Variants in ERBB4 observed in about 807,000 individuals in gnomAD.
ERBB4 encodes erb-b2 receptor tyrosine kinase 4.
Under a neutral mutation model 158.0 loss-of-function variants are expected in ERBB4, and 42 were observed. The observed-to-expected ratio is 0.27, with a 90% CI of 0.21 to 0.34. The LOEUF (loss-of-function observed/expected upper bound fraction) is 0.34. Ranked by LOEUF, ERBB4 falls within the 10% of genes least tolerant of loss-of-function variation. The pLI, the probability that ERBB4 is intolerant of heterozygous loss-of-function variation, is 1.00. For missense variants in ERBB4, 1,333 were observed against 1,624.1 expected, an observed-to-expected ratio of 0.82 and a Z score of 3.08; for synonymous variants, 583 against 558.7, an observed-to-expected ratio of 1.04 and a Z score of -0.61.
chr2:211,413,769 C>A (rs189054305), intron 25 of ERBB4, among the ~76,000 whole-genome samples: 6 of 151,884 alleles, frequency 4.0e-5, no homozygotes, highest in African/African-American at 1.2e-4. Context: ...TTTTGTTTGA[C>A]GACCATGAAG....
chr2:211,546,834 A>T (rs1248810477), intron 20 of ERBB4, among the ~76,000 whole-genome samples: 1 of 152,142 alleles, frequency 6.6e-6, no homozygotes, highest in East Asian at 1.9e-4. Context: ...TGCCCATTTT[A>T]GCGTGCAAAA....
chr2:212,452,613 T>C (rs1688051438), intron 1 of ERBB4, among the ~76,000 whole-genome samples: 1 of 152,150 alleles, frequency 6.6e-6, no homozygotes, highest in Admixed American at 6.5e-5. Flanking sequence ...CACTCAGACC[T>C]ACATATTTAA....
chr2:211,674,867 T>C (rs536064218), intron 13 of ERBB4, among the ~76,000 whole-genome samples: 3 of 152,290 alleles, frequency 2.0e-5, no homozygotes, highest in African/African-American at 7.2e-5. Context: ...AGTTTTCATA[T>C]TACTAGAACA....
chr2:211,567,345 G>A (rs1308169908), intron 19 of ERBB4, among the ~76,000 whole-genome samples: 1 of 152,066 alleles, frequency 6.6e-6, no homozygotes, highest in Non-Finnish European at 1.5e-5. Flanking sequence ...AGCCCTACCT[G>A]CATGAATTGG....
intron 13 of ERBB4, among the ~76,000 whole-genome samples, chr2:211,675,090 C>A (rs1259863342): frequency 6.6e-6 from 1 of 152,122 alleles, no homozygotes; most frequent in Non-Finnish European, 1.5e-5. Context: ...TTGTGACTTT[C>A]TCCATAATTT....
chr2:211,693,523 GA>G (rs2072899240), intron 12 of ERBB4, among the ~76,000 whole-genome samples: 1 of 151,970 alleles, frequency 6.6e-6, no homozygotes, highest in Non-Finnish European at 1.5e-5. Flanking sequence ...AGCTTCAGAA[GA>G]AAAAAGGAAT....
chr2:211,400,787 A>G (rs2063023032), intron 25 of ERBB4, among the ~76,000 whole-genome samples: 1 of 151,984 alleles, frequency 6.6e-6, no homozygotes, highest in Non-Finnish European at 1.5e-5. Flanking sequence ...ATATAACTGG[A>G]TTGCTTGTAA....
At chr2:211,566,713 T>C (rs1365885439) in intron 19 of ERBB4, among the ~76,000 whole-genome samples, 1 of 152,076 alleles carries the variant, frequency 6.6e-6, no homozygotes, top group East Asian at 1.9e-4. Flanking sequence ...TACCGACAAA[T>C]CAGCAAAACA....
At chr2:212,255,626 C>T (rs1208573700) in intron 1 of ERBB4, among the ~76,000 whole-genome samples, 1 of 151,894 alleles carries the variant, frequency 6.6e-6, no homozygotes, top group Non-Finnish European at 1.5e-5. Flanking sequence ...TAAATATTTG[C>T]ATTATATACA....
At chr2:212,202,217 A>G (rs1056901652) in intron 1 of ERBB4, among the ~76,000 whole-genome samples, 57 of 152,084 alleles carry the variant, frequency 3.7e-4, no homozygotes, top group African/African-American at 1.4e-3. Context: ...AGTGATAGTA[A>G]CTTTCTTTGG....
chr2:212,023,690 A>C (rs970310135), intron 2 of ERBB4, among the ~76,000 whole-genome samples: 2 of 151,976 alleles, frequency 1.3e-5, no homozygotes, highest in African/African-American at 4.8e-5. Flanking sequence ...TATCAATGTA[A>C]ATTTCTGCTA....
intron 12 of ERBB4, among the ~76,000 whole-genome samples, chr2:211,681,085 T>A (rs971791754): frequency 6.6e-5 from 10 of 152,192 alleles, no homozygotes; most frequent in Non-Finnish European, 1.0e-4. Context: ...TTTTCTATAA[T>A]TTTTAATAAA....
At chr2:212,455,101 A>G (rs888468299) in intron 1 of ERBB4, among the ~76,000 whole-genome samples, 36 of 152,300 alleles carry the variant, frequency 2.4e-4, no homozygotes, top group African/African-American at 8.7e-4. Context: ...GTCATAACTT[A>G]ATGGACCTTG....
rs71422747 is a variant in ERBB4 at position 211,564,597 on chromosome 2, T to A, written c.2302-2509A>T. Among the ~76,000 whole-genome samples the A allele has an allele frequency of 3.2e-3, 481 of 152,292 alleles. 1 individual carries two copies. Among genetic ancestry groups the A allele is most frequent in the Admixed American group, 7.8e-3 (119 of 15,300 alleles). ...GCAGCATTTCAACCAAGTGAATGCA[T>A]ACAACAGACATGTTCAGACATGCCA... On this transcript the variant is annotated intron_variant, in intron 19 of 27. Transcript: ENST00000342788.
Position 211,377,244 on chromosome 2 carries a change from C to G in ERBB4, c.*6371G>C, listed in dbSNP as rs530524999. On this transcript the variant is annotated 3_prime_UTR_variant, in exon 28 of 28. Coordinates refer to ENST00000342788, the MANE Select transcript of ERBB4 (RefSeq NM_005235.3). ...TGAAAACCAGATTCGTGTCAATATA[C>G]AGGAGGTATGATTTGCTTTCCTTCA... 11 of 232,978 alleles carry G rather than the reference C, an allele frequency of 4.7e-5. No individual in the cohort carries two copies. The highest frequency in any genetic ancestry group is 2.4e-4 in the African/African-American group (11 of 45,364). 14.4% of individuals were successfully genotyped at this position (232,978 alleles called of 1,614,324 possible). A position where few individuals can be genotyped will look rare whatever the true frequency, so the allele number is the denominator to read the frequency against.
chr2:211,879,995 A>T (rs1164050392), intron 3 of ERBB4, among the ~76,000 whole-genome samples: 1 of 150,664 alleles, frequency 6.6e-6, no homozygotes, highest in Non-Finnish European at 1.5e-5. Context: ...ACAAAAATAA[A>T]TATATAAATA....
intron 2 of ERBB4, among the ~76,000 whole-genome samples, chr2:212,009,911 C>T (rs976774891): frequency 2.0e-5 from 3 of 152,156 alleles, no homozygotes; most frequent in Non-Finnish European, 4.4e-5. Flanking sequence ...TAAAGAAATA[C>T]TCTCCTTCCT....
chr2:211,401,178 AG>A (rs2063032955), intron 25 of ERBB4, among the ~76,000 whole-genome samples: 1 of 152,094 alleles, frequency 6.6e-6, no homozygotes, highest in Non-Finnish European at 1.5e-5. Context: ...ACTTAGCCAC[AG>A]AAAGGTGTAC....
At chr2:211,593,670 A>G (rs2068542968) in intron 19 of ERBB4, among the ~76,000 whole-genome samples, 1 of 152,228 alleles carries the variant, frequency 6.6e-6, no homozygotes, top group South Asian at 2.1e-4. Context: ...AAGATACTCT[A>G]GCACCTTTCC....
Sources: gnomAD v4.1 joint callset for allele counts (sites outside exome capture counted in the v4.1 genomes callset) on GRCh38, gnomAD v4.1.1 for gene constraint, MANE v1.5 for transcripts, NCBI Gene and HGNC (gene_info 2026-07-23, HGNC 2026-07-21) for gene names.